Variants in INCENP observed in about 807,000 individuals in gnomAD.
The protein encoded by INCENP is inner centromere protein.
A neutral mutation model predicts 107.3 loss-of-function variants in INCENP; 43 were observed. The observed-to-expected ratio is 0.40, with a 90% confidence interval of 0.31 to 0.52. INCENP has a LOEUF of 0.52. Ranked by LOEUF, INCENP falls within the 20% of genes least tolerant of loss-of-function variation. The pLI, the probability that INCENP is intolerant of heterozygous loss-of-function variation, is 0.53. For missense variants in INCENP, 1,089 were observed against 1,250.9 expected (o/e 0.87, Z 1.95); for synonymous variants, 488 against 494.4 (o/e 0.99, Z 0.17).
Position 62,144,976 on chromosome 11 carries a change from C to T in INCENP, c.1606-6C>T, listed in dbSNP as rs1286706833. On this transcript the variant is annotated splice_region_variant and splice_polypyrimidine_tract_variant and intron_variant, in intron 11 of 18. Coordinates refer to ENST00000394818, the MANE Select transcript of INCENP (RefSeq NM_001040694.2). Reference sequence around the variant, plus strand: ...GTCCCATCTCCCTCGCTCCCCGCCACCCCAGGAGAAGGAGCGGCAGCGCCT... The same window carrying T: ...GTCCCATCTCCCTCGCTCCCCGCCATCCCAGGAGAAGGAGCGGCAGCGCCT... 6 of 1,592,444 alleles carry T rather than the reference C, an allele frequency of 3.8e-6. No homozygotes were observed. In the African/African-American group the frequency reaches 8.1e-5, roughly 22 times the overall value.
chr11:62,141,027 C>T lies in INCENP; in HGVS notation c.1576C>T (p.Leu526=), dbSNP rs771038409. ...GTCCTTTATTAAGCGCAACACTCCC[C>T]TGCGCATGGACCCCAAGGTGAGGGG... ...MKSFIKRNTP[L]RMDPKCSFVE... is the part of the protein sequence containing the mutation. Residue 526 remains leucine, a synonymous_variant, in exon 10 of 19, where the codon CTG becomes TTG. Coordinates refer to ENST00000394818, the MANE Select transcript of INCENP (RefSeq NM_001040694.2). The T allele has an allele frequency of 5.0e-6, 8 of 1,613,714 alleles. No individual in the cohort carries two copies. The South Asian group carries it at 8.8e-5, about 18-fold the overall frequency.
chr11:62,151,938 G>T lies in INCENP; in HGVS notation c.2719G>T (p.Val907Phe). 6.2e-7 allele frequency: 1 copy of T among 1,612,652 alleles called. No individual in the cohort carries two copies. The highest frequency in any genetic ancestry group is 8.5e-7 in the Non-Finnish European group (1 of 1,180,000). ...CTCACCGCCCCTGCAGGGCGCCAGGGTCCCCAGCAGCCTGGCCTACAGCCT... is the reference window on the plus strand; with the variant it reads ...CTCACCGCCCCTGCAGGGCGCCAGGTTCCCCAGCAGCCTGGCCTACAGCCT... ...WNSPPLQGAR[V>F]PSSLAYSLKK... Residue 907 changes from valine (V) to phenylalanine (F), a missense_variant, in exon 19 of 19, where the codon GTC becomes TTC. Transcript: ENST00000394818.
chr11:62,144,515 T>C (rs781006259), intron 11 of INCENP, among the ~76,000 whole-genome samples: 4 of 152,136 alleles, frequency 2.6e-5, no homozygotes, highest in Admixed American at 6.6e-5. Context: ...TGTATACATA[T>C]AGTATGGATA....
Position 62,130,424 on chromosome 11 carries a change from C to G in INCENP, c.897C>G (p.Asp299Glu). 6.2e-7 allele frequency: 1 copy of G among 1,613,918 alleles called. No homozygotes were observed. The highest frequency in any genetic ancestry group is 1.3e-5 in the African/African-American group (1 of 75,078). ...NFSTPTGSRTDSQSVRHSPIA... is the reference protein window; with the variant it reads ...NFSTPTGSRTESQSVRHSPIA... ...CCACGCCCACGGGCTCTCGCACGGA[C>G]TCTCAATCGGTGCGGCACAGCCCGA... is the stretch of plus-strand genomic sequence containing the variant. The change falls in exon 4 of 19, where the codon GAC becomes GAG. Residue 299 changes from aspartate to glutamate, a missense_variant. Physicochemically the swap from Asp to Glu is conservative, Grantham distance 45. Transcript: ENST00000394818.
At chr11:62,133,883 C>T (rs1792934) in intron 4 of INCENP, among the ~76,000 whole-genome samples, 80,286 of 152,006 alleles carry the variant, frequency 0.53, 23,676 homozygotes, top group Non-Finnish European at 0.68. Flanking sequence ...GCCTGGCCTG[C>T]TGTCTTCCCT....
intron 5 of INCENP, 144 bp downstream of exon 5, chr11:62,138,027 C>T: frequency 1.4e-6 from 1 of 736,004 alleles, no homozygotes; most frequent in South Asian, 1.5e-5. Flanking sequence ...TTTTCCCTGT[C>T]TGACCAGGCA....
chr11:62,138,062 C>T, intron 5 of INCENP, 179 bp downstream of exon 5: 1 of 637,858 alleles, frequency 1.6e-6, no homozygotes, highest in Non-Finnish European at 2.8e-6. Flanking sequence ...TGTTGGCCAC[C>T]TGGTCTCCTT....
At chr11:62,125,413 G>C (rs993765108) in intron 1 of INCENP, among the ~76,000 whole-genome samples, 1 of 152,242 alleles carries the variant, frequency 6.6e-6, no homozygotes, top group African/African-American at 2.4e-5. Flanking sequence ...TCCTTAAACA[G>C]TTTTCTCTTT....
At position 62,128,828 on chromosome 11, in the gene INCENP, A is replaced by G. The variant is rs1590603871; in HGVS notation, c.199A>G (p.Lys67Glu). 6.2e-7 allele frequency: 1 copy of G among 1,614,170 alleles called. No homozygotes were observed. Among genetic ancestry groups the G allele is most frequent in the East Asian group, 2.2e-5 (1 of 44,882 alleles). ...AACACCTTCTCAGAAGAACCGACGG[A>G]AGAAGAGACGGATTTCTTATGTTCA... The part of the protein sequence containing the change: ...PKTPSQKNRR[K>E]KRRISYVQDE... The change falls in exon 3 of 19, where the codon AAG becomes GAG. Residue 67 changes from lysine (K) to glutamate (E), a missense_variant. Lys to Glu is a moderately conservative substitution (Grantham distance 56, BLOSUM62 1). Coordinates refer to ENST00000394818, the MANE Select transcript of INCENP (RefSeq NM_001040694.2).
Position 62,139,018 on chromosome 11 carries a change from G to T in INCENP, c.1291+13G>T, listed in dbSNP as rs1385469085. 6.3e-7 allele frequency: 1 copy of T among 1,584,558 alleles called. No individual in the cohort carries two copies. Among genetic ancestry groups the T allele is most frequent in the Admixed American group, 1.7e-5 (1 of 59,998 alleles). On this transcript the variant is annotated intron_variant, in intron 7 of 18. Coordinates refer to ENST00000394818, the MANE Select transcript of INCENP (RefSeq NM_001040694.2). The stretch of plus-strand genomic sequence containing the variant: ...GCAGGGCAGCAAGGTGAGGCTTCCT[G>T]ACCTGCCGTGTGCAGTGCCCGGAGC...
chr11:62,142,447 C>A (rs1415278001), intron 11 of INCENP, among the ~76,000 whole-genome samples: 2 of 152,204 alleles, frequency 1.3e-5, no homozygotes, highest in African/African-American at 4.8e-5. Context: ...ATAGAGAAGA[C>A]CAGGAAGTGG....
At chr11:62,124,260 C>A (rs971644592) in intron 1 of INCENP, 97 bp downstream of exon 1, 4 of 152,374 alleles carry the variant, frequency 2.6e-5, no homozygotes, top group African/African-American at 9.6e-5. Context: ...GGTCGTGACT[C>A]CCCACCCCAG....
chr11:62,151,687 G>C, intron 18 of INCENP, 75 bp from the exon 19 acceptor site: 1 of 1,268,224 alleles, frequency 7.9e-7, no homozygotes. Context: ...AGGGTGACAG[G>C]GCTCTGTGGT....
rs1346066356 is a variant in INCENP, at chr11:62,145,064, A to G, written c.1688A>G (p.Lys563Arg). Residue 563 changes from lysine to arginine, a missense_variant, in exon 12 of 19, where the codon AAG becomes AGG. By Grantham distance (26) the Lys-to-Arg change is conservative (BLOSUM62 2). Transcript: ENST00000394818. Reference protein sequence around the residue: ...QLRRQKVEEDKRRRLEEVKLK... With the variant: ...QLRRQKVEEDRRRRLEEVKLK... The stretch of plus-strand genomic sequence containing the variant: ...CGCAGGCAGAAGGTGGAGGAGGACA[A>G]GCGGCGGCGGCTGGAGGAGGTGAAG... The G allele has an allele frequency of 6.2e-7, 1 of 1,613,634 alleles. No individual in the cohort carries two copies. Among genetic ancestry groups the G allele is most frequent in the South Asian group, 1.1e-5 (1 of 91,076 alleles).
chr11:62,144,961 C>T (rs1045429457), intron 11 of INCENP, 21 bp from the exon 12 acceptor site: 2 of 1,582,944 alleles, frequency 1.3e-6, no homozygotes, highest in African/African-American at 2.7e-5. Context: ...GTCCCATCTC[C>T]CTCGCTCCCC....
intron 17 of INCENP, among the ~76,000 whole-genome samples, chr11:62,149,685 G>T (rs988486872): frequency 1.3e-5 from 2 of 152,150 alleles, no homozygotes; most frequent in Admixed American, 6.5e-5. Flanking sequence ...ATATTGGGAG[G>T]CCAAGGGGAC....
chr11:62,146,332 T>A (rs1223079794), intron 14 of INCENP, among the ~76,000 whole-genome samples: 1 of 152,182 alleles, frequency 6.6e-6, no homozygotes, highest in African/African-American at 2.4e-5. Context: ...CCATGAAGTG[T>A]AGGAATAACT....
chr11:62,140,358 G>A (rs917847615), intron 8 of INCENP, 73 bp downstream of exon 8: 7 of 1,333,044 alleles, frequency 5.3e-6, no homozygotes, highest in African/African-American at 2.9e-5. Flanking sequence ...CCTTGCTCAG[G>A]GAAGGTGGAT....
Position 62,129,822 on chromosome 11 carries a change from CG to C in INCENP, c.296del (p.Arg99HisfsTer9). The C allele has an allele frequency of 6.2e-7, 1 of 1,610,794 alleles. No homozygotes were observed. Among genetic ancestry groups the C allele is most frequent in the Non-Finnish European group, 8.5e-7 (1 of 1,179,714 alleles). On this transcript the variant is annotated frameshift_variant, in exon 4 of 19. Transcript: ENST00000394818. ...GTCTCGGAGCAGCCAGCTGAGCTCCCGACGCCTCCGCAGCAAGGACAGTGTA... is the reference window on the plus strand; with the variant it reads ...GTCTCGGAGCAGCCAGCTGAGCTCCCACGCCTCCGCAGCAAGGACAGTGTA... ...RKSRSSQLSS[R>X]RLRSKDSVEK...
Sources: gnomAD v4.1 joint callset for allele counts (sites outside exome capture counted in the v4.1 genomes callset) on GRCh38, gnomAD v4.1.1 for gene constraint, MANE v1.5 for transcripts, NCBI Gene and HGNC (gene_info 2026-07-23, HGNC 2026-07-21) for gene names.